The following PCDHA4 variants were observed in gnomAD, a reference collection of about 807,000 sequenced individuals.
PCDHA4 encodes the protein protocadherin alpha-4.
In PCDHA4, 49 loss-of-function variants were observed where a neutral mutation model predicts 61.4. The observed-to-expected ratio is 0.80, with a 90% CI of 0.63 to 1.01. The LOEUF (loss-of-function observed/expected upper bound fraction) is 1.01, where lower values mean the gene tolerates loss of function less well. PCDHA4 is among the 50% of genes least tolerant of loss of function. The pLI, the probability that PCDHA4 is intolerant of heterozygous loss-of-function variation, is 0.00. For synonymous variants in PCDHA4, 590 were observed against 550.3 expected, an observed-to-expected ratio of 1.07 and a Z score of -1.01; for missense variants, 1,254 against 1,235.8, an observed-to-expected ratio of 1.01 and a Z score of -0.22.
chr5:140,872,347 C>T (rs556222685), intron 1 of PCDHA4, among the ~76,000 whole-genome samples: 44 of 152,200 alleles, frequency 2.9e-4, no homozygotes, highest in African/African-American at 1.0e-3. Context: ...CATGTTCTTG[C>T]CAGGCAAAGT....
At chr5:140,943,500 G>C (rs907493905) in intron 1 of PCDHA4, among the ~76,000 whole-genome samples, 1 of 152,048 alleles carries the variant, frequency 6.6e-6, no homozygotes, top group Admixed American at 6.6e-5. Context: ...TGCTATCAAG[G>C]TTCATGGAAA....
At chr5:140,850,471 T>C (rs2150485589) in intron 1 of PCDHA4, 1 of 1,597,870 alleles carries the variant, frequency 6.3e-7, no homozygotes, top group Non-Finnish European at 8.6e-7. Context: ...GAGCCAGCGC[T>C]GACGGCCACG....
intron 3 of PCDHA4, among the ~76,000 whole-genome samples, chr5:140,992,102 G>A (rs1205417295): frequency 6.6e-6 from 1 of 150,914 alleles, no homozygotes; most frequent in Non-Finnish European, 1.5e-5. Context: ...AGAGAATTAA[G>A]GTGAGATGTG....
chr5:140,937,317 G>C (rs1282380622), intron 1 of PCDHA4, among the ~76,000 whole-genome samples: 1 of 152,048 alleles, frequency 6.6e-6, no homozygotes, highest in Non-Finnish European at 1.5e-5. Context: ...GATTACAGGC[G>C]TGAGCCACCG....
chr5:140,969,331 G>A, intron 1 of PCDHA4: 1 of 1,614,042 alleles, frequency 6.2e-7, no homozygotes, highest in Non-Finnish European at 8.5e-7. Context: ...CTCAAAATGA[G>A]GTGAGACAGT....
chr5:140,857,420 G>A (rs2044582609), intron 1 of PCDHA4: 2 of 1,598,360 alleles, frequency 1.3e-6, no homozygotes, highest in Non-Finnish European at 1.7e-6. Flanking sequence ...CGCGCAGTCC[G>A]AGTACACGGT....
At chr5:140,868,961 A>G in intron 1 of PCDHA4, 1 of 1,418,552 alleles carries the variant, frequency 7.0e-7, no homozygotes, top group Non-Finnish European at 9.5e-7. Context: ...ACTCCCATAC[A>G]AAGGAACTCC....
At chr5:140,925,508 A>C (rs1244251216) in intron 1 of PCDHA4, among the ~76,000 whole-genome samples, 1 of 152,138 alleles carries the variant, frequency 6.6e-6, no homozygotes, top group African/African-American at 2.4e-5. Flanking sequence ...ATATCCACGC[A>C]AAAGACCAAA....
At chr5:140,934,533 C>T (rs1418320473) in intron 1 of PCDHA4, among the ~76,000 whole-genome samples, 5 of 152,086 alleles carry the variant, frequency 3.3e-5, no homozygotes, top group African/African-American at 4.8e-5. Flanking sequence ...CGAGAGCTAC[C>T]GTTCTAATTC....
At chr5:140,951,312 A>G (rs1316911878) in intron 1 of PCDHA4, among the ~76,000 whole-genome samples, 1 of 152,146 alleles carries the variant, frequency 6.6e-6, no homozygotes, top group Non-Finnish European at 1.5e-5. Flanking sequence ...TTAATGTGTT[A>G]TTCTTGAGAT....
chr5:140,845,533 AT>A, intron 1 of PCDHA4, among the ~76,000 whole-genome samples: 1 of 149,618 alleles, frequency 6.7e-6, no homozygotes, highest in African/African-American at 2.4e-5. Flanking sequence ...ACTTTTCACT[AT>A]TCTAATTATG....
rs1554124059 is a variant in PCDHA4 at position 140,807,509 on chromosome 5, G to T, written c.322G>T (p.Val108Leu). ...RSAECSIHLE[V>L]IVDRPLQVFH... ...CGCGGAGTGCAGCATCCACCTGGAG[G>T]TGATCGTAGACAGGCCGCTGCAGGT... Residue 108 changes from valine (V) to leucine (L), a missense_variant, in exon 1 of 4, where the codon GTG becomes TTG. Physicochemically the swap from Val to Leu is conservative, Grantham distance 32. Transcript: ENST00000530339. 2.5e-6 allele frequency: 4 copies of T among 1,613,908 alleles called. No homozygotes were observed. The Admixed American group carries it at 5.0e-5, about 20-fold the overall frequency.
Position 140,857,251 on chromosome 5 carries a change from G to T in PCDHA4, c.2385+47679G>T, listed in dbSNP as rs1554149715. The T allele has an allele frequency of 1.9e-6, 3 of 1,598,606 alleles. No individual in the cohort carries two copies. In the Admixed American group the frequency reaches 5.1e-5, roughly 27 times the overall value. ...CGTTCAAGCTGGTGTCCACCTACAA[G>T]AATTACTACTCATTGGTGCTGGACA... is the stretch of plus-strand genomic sequence containing the variant. On this transcript the variant is annotated intron_variant, in intron 1 of 3. Coordinates refer to ENST00000530339, the MANE Select transcript of PCDHA4 (RefSeq NM_018907.4).
In PCDHA4 at chr5:140,807,124, T is replaced by C; in HGVS notation, c.-64T>C. ...GATGCAGCTGCACTTGACTGACCGA[T>C]TAAAAGATTTCCCTTGACTTTGAGA... On this transcript the variant is annotated 5_prime_UTR_variant, in exon 1 of 4. Transcript: ENST00000530339. The C allele has an allele frequency of 6.5e-7, 1 of 1,547,934 alleles. No homozygotes were observed. The highest frequency in any genetic ancestry group is 8.8e-7 in the Non-Finnish European group (1 of 1,141,182).
At position 141,010,023 on chromosome 5, in the gene PCDHA4, C is replaced by T. The variant is rs1196328903; in HGVS notation, c.*86C>T. Reference sequence around the variant, plus strand: ...TGTAGCAATTCCCTGCTCCTTTTTCCTATCTACATGAGCCCTCTTAGAGAC... The same window carrying T: ...TGTAGCAATTCCCTGCTCCTTTTTCTTATCTACATGAGCCCTCTTAGAGAC... On this transcript the variant is annotated 3_prime_UTR_variant, in exon 4 of 4. Transcript: ENST00000530339. 10 of 1,571,304 alleles carry T rather than the reference C, an allele frequency of 6.4e-6. No homozygotes were observed. Among genetic ancestry groups the T allele is most frequent in the Non-Finnish European group, 8.6e-6 (10 of 1,163,016 alleles).
intron 1 of PCDHA4, chr5:140,814,266 G>A (rs1765473432): frequency 6.6e-6 from 1 of 151,020 alleles, no homozygotes; most frequent in African/African-American, 2.4e-5. Context: ...ACCCATACTA[G>A]CCTAGGACTG....
chr5:140,978,526 A>G (rs1197468187), intron 1 of PCDHA4, among the ~76,000 whole-genome samples: 5 of 152,248 alleles, frequency 3.3e-5, no homozygotes, highest in Admixed American at 2.0e-4. Flanking sequence ...CAGCCAGGCC[A>G]GCAGAACTTG....
At chr5:140,970,280 C>G (rs1445871505) in intron 1 of PCDHA4, among the ~76,000 whole-genome samples, 3 of 152,138 alleles carry the variant, frequency 2.0e-5, no homozygotes, top group East Asian at 1.9e-4. Flanking sequence ...TGTAAAGTAG[C>G]CTTTTCAAGT....
chr5:140,879,479 G>A (rs992823540), intron 1 of PCDHA4, among the ~76,000 whole-genome samples: 10 of 152,196 alleles, frequency 6.6e-5, no homozygotes, highest in Non-Finnish European at 1.3e-4. Context: ...GTTGTGATTG[G>A]AAATATGGGT....
Sources: allele counts gnomAD v4.1 joint callset (sites outside exome capture counted in the v4.1 genomes callset), GRCh38; gene constraint gnomAD v4.1.1; transcripts MANE v1.5; gene names NCBI Gene and HGNC (gene_info 2026-07-23, HGNC 2026-07-21).